TOPORS: variants seen among roughly 807,000 people sequenced by gnomAD.
TOPORS encodes E3 ubiquitin-protein ligase Topors.
TOPORS carries 25 observed loss-of-function variants against 81.4 expected under a neutral mutation model. That is an observed-to-expected ratio of 0.31 (90% CI 0.22 to 0.43). TOPORS has a LOEUF of 0.43. TOPORS is among the 20% of genes least tolerant of loss of function. The pLI, the probability that TOPORS is intolerant of heterozygous loss-of-function variation, is 1.00. For synonymous variants in TOPORS, 473 were observed against 456.6 expected (o/e 1.04, Z -0.46); for missense variants, 1,101 against 1,267.0 (o/e 0.87, Z 1.99).
At chr9:32,545,105 T>C (rs1423433246) in intron 2 of TOPORS, among the ~76,000 whole-genome samples, 1 of 152,198 alleles carries the variant, frequency 6.6e-6, no homozygotes, top group East Asian at 1.9e-4. Context: ...GATTAAATAA[T>C]AAATGAAAAA....
Position 32,550,891 on chromosome 9 carries a change from A to T in TOPORS, c.81T>A (p.Gly27=). The change falls in exon 2 of 3, where the codon GGT becomes GGA. Residue 27 remains glycine (G), a synonymous_variant. Coordinates refer to ENST00000360538, the MANE Select transcript of TOPORS (RefSeq NM_005802.5). ...GGCGTACCCGGCGACTTCTCCGCCT[A>T]CCCTCCGAAGCGGGAGCAGGCGGGG... ...EAPPPAPASE[G]RRRSRRVRLR... is the part of the protein sequence containing the mutation. The T allele has an allele frequency of 6.2e-7, 1 of 1,612,904 alleles. No individual in the cohort carries two copies.
At position 32,543,032 on chromosome 9, in the gene TOPORS, G is replaced by A; in HGVS notation, c.1493C>T (p.Ser498Phe). The change falls in exon 3 of 3, where the codon TCC becomes TTC. Residue 498 changes from serine (S) to phenylalanine (F), a missense_variant. Physicochemically the swap from Ser to Phe is radical, Grantham distance 155 (BLOSUM62 -2). Around this residue, in one of 9 missense-constraint regions of TOPORS, gnomAD observed 14 missense variants for 36.7 expected, o/e 0.38. Coordinates refer to ENST00000360538, the MANE Select transcript of TOPORS (RefSeq NM_005802.5). The surrounding 1 kb of genome is among the most constrained non-coding windows in gnomAD (Gnocchi z 5.6). ...AERTPELVEL[S>F]SDSEDLGSYE... ...AGAACCTAAGTCCTCAGAATCAGAG[G>A]ACAGTTCAACAAGTTCTGGGGTCCT... 2 of 1,614,146 alleles carry A rather than the reference G, an allele frequency of 1.2e-6. No individual in the cohort carries two copies. The highest frequency in any genetic ancestry group is 2.2e-5 in the East Asian group (1 of 44,884).
intron 2 of TOPORS, among the ~76,000 whole-genome samples, chr9:32,544,545 C>A (rs1310407818): frequency 6.6e-6 from 1 of 152,146 alleles, no homozygotes; most frequent in Non-Finnish European, 1.5e-5. Context: ...AATCCTGGTT[C>A]CACACTACCA....
At chr9:32,552,238 G>C (rs1207516768) in intron 1 of TOPORS, 196 bp downstream of exon 1, 1 of 701,822 alleles carries the variant, frequency 1.4e-6, no homozygotes, top group East Asian at 2.7e-5. Flanking sequence ...TAAAAGGCGG[G>C]CAAGGCCCCC....
At chr9:32,544,391 A>G in intron 2 of TOPORS, 65 bp from the exon 3 acceptor site, 1 of 1,518,028 alleles carries the variant, frequency 6.6e-7, no homozygotes, top group Non-Finnish European at 9.0e-7. Context: ...AGTCTCAACA[A>G]AAATGCAAAT....
At chr9:32,548,196 T>C (rs919223962) in intron 2 of TOPORS, among the ~76,000 whole-genome samples, 5 of 150,946 alleles carry the variant, frequency 3.3e-5, no homozygotes, top group Non-Finnish European at 5.9e-5. Context: ...AATTAAGGCA[T>C]AAAAACTGGG....
chr9:32,551,690 C>T, intron 1 of TOPORS: 1 of 334,082 alleles, frequency 3.0e-6, no homozygotes, highest in South Asian at 2.2e-5. Context: ...TAGAGCTGAA[C>T]CTGGTACGCT....
Position 32,543,288 on chromosome 9 carries a change from G to C in TOPORS, c.1237C>G (p.Gln413Glu). The C allele has an allele frequency of 6.2e-7, 1 of 1,613,982 alleles. No homozygotes were observed. Among genetic ancestry groups the C allele is most frequent in the Non-Finnish European group, 8.5e-7 (1 of 1,180,022 alleles). The part of the protein sequence containing the change: ...ELDINVATVS[Q>E]APWDDETPGP... The stretch of plus-strand genomic sequence containing the variant: ...GGAGTTTCATCATCCCATGGTGCCT[G>C]ACTAACAGTGGCTACATTAATATCC... Residue 413 changes from glutamine to glutamate, a missense_variant, in exon 3 of 3, where the codon CAG (glutamine) becomes GAG (glutamate). Transcript: ENST00000360538. The surrounding 1 kb of genome is among the most constrained non-coding windows in gnomAD (Gnocchi z 5.6).
chr9:32,541,047 CTCAT>C lies in TOPORS; in HGVS notation c.*336_*339del, dbSNP rs1821048410. On this transcript the variant is annotated 3_prime_UTR_variant, in exon 3 of 3. Coordinates refer to ENST00000360538, the MANE Select transcript of TOPORS (RefSeq NM_005802.5). ...CTCAAAAAAAAAAAATTCAAAAATACTCATTGACTACCTTAAAAATATGTCAATA... is the reference window on the plus strand; with the variant it reads ...CTCAAAAAAAAAAAATTCAAAAATACTGACTACCTTAAAAATATGTCAATA... 1 of 175,144 alleles carries C rather than the reference CTCAT, an allele frequency of 5.7e-6. No homozygotes were observed. The highest frequency in any genetic ancestry group is 2.4e-5 in the African/African-American group (1 of 41,656). 10.8% of individuals were successfully genotyped at this position (175,144 alleles called of 1,614,324 possible).
At chr9:32,548,356 T>C (rs934879140) in intron 2 of TOPORS, among the ~76,000 whole-genome samples, 1 of 150,684 alleles carries the variant, frequency 6.6e-6, no homozygotes, top group Admixed American at 6.6e-5. Flanking sequence ...AAACCCGGTC[T>C]CTACTAAAAA....
chr9:32,546,208 T>C lies in TOPORS; in HGVS notation c.199-1882A>G, dbSNP rs80215353. Among the ~76,000 whole-genome samples, 175 of 152,360 alleles carry C rather than the reference T, an allele frequency of 1.1e-3. 2 individuals are homozygous for C. In the East Asian group the frequency reaches 0.033, roughly 29 times the overall value. ...ATAAATACATAATACTGCTTTTTTG[T>C]TCATAAACAGTCTAAAACCCTAATA... On this transcript the variant is annotated intron_variant, in intron 2 of 2. Transcript: ENST00000360538.
At chr9:32,547,624 C>A (rs1369708172) in intron 2 of TOPORS, among the ~76,000 whole-genome samples, 1 of 151,998 alleles carries the variant, frequency 6.6e-6, no homozygotes, top group Admixed American at 6.6e-5. Context: ...TTGTATGATA[C>A]CTTTTATATG....
chr9:32,541,706 A>C lies in TOPORS; in HGVS notation c.2819T>G (p.Leu940Trp). 2 of 1,614,202 alleles carry C rather than the reference A, an allele frequency of 1.2e-6. No individual in the cohort carries two copies. The highest frequency in any genetic ancestry group is 1.7e-6 in the Non-Finnish European group (2 of 1,180,036). ...GPQDPLQNEFLAPSLEPFETK... is the reference protein window; with the variant it reads ...GPQDPLQNEFWAPSLEPFETK... ...TTCAAATGGTTCCAAGGAAGGAGCCAAAAACTCATTTTGTAGAGGGTCTTG... is the reference window on the plus strand; with the variant it reads ...TTCAAATGGTTCCAAGGAAGGAGCCCAAAACTCATTTTGTAGAGGGTCTTG... Residue 940 changes from leucine (L) to tryptophan (W), a missense_variant, in exon 3 of 3, where the codon TTG (leucine) becomes TGG (tryptophan). Around this residue, in one of 9 missense-constraint regions of TOPORS, gnomAD observed 605 missense variants for 636.1 expected, o/e 0.95. Coordinates refer to ENST00000360538, the MANE Select transcript of TOPORS (RefSeq NM_005802.5).
chr9:32,548,323 A>G (rs2118975723), intron 2 of TOPORS, among the ~76,000 whole-genome samples: 1 of 151,242 alleles, frequency 6.6e-6, no homozygotes, highest in African/African-American at 2.4e-5. Context: ...CGGGAGTTCG[A>G]GACCAGCCTG....
At position 32,543,119 on chromosome 9, in the gene TOPORS, T is replaced by C; in HGVS notation, c.1406A>G (p.Asn469Ser). Residue 469 changes from asparagine (N) to serine (S), a missense_variant, in exon 3 of 3, where the codon AAT becomes AGT. Physicochemically the swap from Asn to Ser is conservative, Grantham distance 46. Coordinates refer to ENST00000360538, the MANE Select transcript of TOPORS (RefSeq NM_005802.5). This position sits in a 1 kb window ranked among gnomAD's most constrained non-coding sequence, Gnocchi z 5.6. ...QGVQTNDDLN[N>S]DSDDSSDNCV... is the part of the protein sequence containing the mutation. ...ATTATCTGAAGAATCATCACTGTCA[T>C]TATTTAGGTCGTCATTGGTTTGTAC... 1 of 1,614,114 alleles carries C rather than the reference T, an allele frequency of 6.2e-7. No homozygotes were observed. Among genetic ancestry groups the C allele is most frequent in the Non-Finnish European group, 8.5e-7 (1 of 1,180,016 alleles).
intron 1 of TOPORS, chr9:32,552,155 C>A: frequency 1.9e-6 from 1 of 518,956 alleles, no homozygotes. Context: ...AGTGGAGGTA[C>A]GCCTATCTCC....
rs1257671376 is a variant in TOPORS, at chr9:32,541,434, T to TC, written c.3090dup (p.Thr1031AspfsTer10). On this transcript the variant is annotated frameshift_variant, in exon 3 of 3. Transcript: ENST00000360538. LOFTEE classifies it high-confidence loss of function. ...CCAAGACATACTGACATTAATGATG[T>TC]CCGTGGCGATGGCAATTGCCTTGAT... The TC allele has an allele frequency of 5.0e-6, 8 of 1,614,078 alleles. No individual in the cohort carries two copies. In the African/African-American group the frequency reaches 9.3e-5, roughly 19 times the overall value.
In TOPORS at chr9:32,543,173, G is replaced by A. The variant is rs1346367216; in HGVS notation, c.1352C>T (p.Thr451Ile). The change falls in exon 3 of 3, where the codon ACA (threonine) becomes ATA (isoleucine). Residue 451 changes from threonine (T) to isoleucine (I), a missense_variant. By Grantham distance (89) the Thr-to-Ile change is moderately conservative. Around this residue, in one of 9 missense-constraint regions of TOPORS, gnomAD observed 103 missense variants for 112.1 expected, o/e 0.92. Coordinates refer to ENST00000360538, the MANE Select transcript of TOPORS (RefSeq NM_005802.5). This position sits in a 1 kb window ranked among gnomAD's most constrained non-coding sequence, Gnocchi z 5.6. Reference protein sequence around the residue: ...TSDSSDEELVTGGATSQIQGV... With the variant: ...TSDSSDEELVIGGATSQIQGV... ...TTGTATCTGAGACGTGGCTCCTCCT[G>A]TGACAAGTTCTTCATCTGAACTGTC... is the stretch of plus-strand genomic sequence containing the variant. The A allele has an allele frequency of 6.2e-7, 1 of 1,613,804 alleles. No individual in the cohort carries two copies. Among genetic ancestry groups the A allele is most frequent in the African/African-American group, 1.3e-5 (1 of 74,936 alleles).
intron 1 of TOPORS, chr9:32,552,205 AT>A (rs1821292400): frequency 3.3e-6 from 2 of 604,084 alleles, no homozygotes; most frequent in East Asian, 5.6e-5. Flanking sequence ...AATTTTTAAC[AT>A]TTTCTCGTTT....
Sources: gnomAD v4.1 joint callset for allele counts (sites outside exome capture counted in the v4.1 genomes callset) on GRCh38, gnomAD v4.1.1 for gene constraint, gnomAD v4.1.1 regional missense constraint, Gnocchi (gnomAD v3.1) non-coding constraint, MANE v1.5 for transcripts, NCBI Gene and HGNC (gene_info 2026-07-23, HGNC 2026-07-21) for gene names.